The following TMEM255A variants were observed in gnomAD, a reference collection of about 807,000 sequenced individuals.
The protein encoded by TMEM255A is transmembrane protein 255A.
TMEM255A carries 14 observed loss-of-function variants against 23.5 expected under a neutral mutation model. The ratio of observed to expected loss-of-function variants is 0.60; its 90% CI spans 0.39 to 0.93. TMEM255A has a LOEUF of 0.93. Ranked by LOEUF, TMEM255A falls within the 40% of genes least tolerant of loss-of-function variation. TMEM255A has a pLI of 0.00. For synonymous variants in TMEM255A, 104 were observed against 100.3 expected, an observed-to-expected ratio of 1.04 and a Z score of -0.22; for missense variants, 233 against 261.7, an observed-to-expected ratio of 0.89 and a Z score of 0.76.
chrX:120,288,669 G>A (rs1238951744), intron 4 of TMEM255A, among the ~76,000 whole-genome samples: 5 of 112,222 alleles, frequency 4.5e-5, no homozygotes, highest in African/African-American at 1.3e-4. Flanking sequence ...AGGTCACTCA[G>A]CCAGGGCTTG....
chrX:120,305,429 CA>C (rs111534543), intron 1 of TMEM255A, among the ~76,000 whole-genome samples: 95 of 89,277 alleles, frequency 1.1e-3, no homozygotes, highest in Admixed American at 1.8e-3. Flanking sequence ...TAGGAGTTCT[CA>C]AAAAAAAAAA....
At chrX:120,272,037 A>G (rs1418271881) in intron 7 of TMEM255A, among the ~76,000 whole-genome samples, 1 of 112,334 alleles carries the variant, frequency 8.9e-6, no homozygotes, top group Non-Finnish European at 1.9e-5. Flanking sequence ...AGATTTAAAA[A>G]TGGGCAGGAT....
intron 7 of TMEM255A, among the ~76,000 whole-genome samples, chrX:120,270,932 T>C (rs1274050549): frequency 9.0e-6 from 1 of 111,335 alleles, no homozygotes; most frequent in South Asian, 3.8e-4. Flanking sequence ...TTTTACACCA[T>C]GGTCTTATTT....
intron 3 of TMEM255A, among the ~76,000 whole-genome samples, chrX:120,292,584 C>A (rs1174887118): frequency 9.0e-6 from 1 of 110,602 alleles, no homozygotes; most frequent in Non-Finnish European, 1.9e-5. Context: ...CATGGTAAAA[C>A]CTCATCTCTA....
At chrX:120,254,625 G>A (rs187139100), downstream of TMEM255A, 59 of 1,209,747 alleles carry the variant, frequency 4.9e-5, no homozygotes, top group Non-Finnish European at 6.0e-5. Context: ...TGATCCAGGC[G>A]TAGGATCAAA....
chrX:120,262,962 CA>C (rs1181733678), intron 8 of TMEM255A, among the ~76,000 whole-genome samples: 3 of 111,162 alleles, frequency 2.7e-5, no homozygotes, highest in Non-Finnish European at 5.7e-5. Context: ...GGGGGTGGTA[CA>C]ACGGCCCTTG....
downstream of TMEM255A, chrX:120,253,855 T>C: frequency 8.3e-7 from 1 of 1,211,470 alleles, no homozygotes. Flanking sequence ...GACAAGAACC[T>C]TGTAATACAG....
intron 7 of TMEM255A, among the ~76,000 whole-genome samples, chrX:120,270,767 A>G (rs2057753558): frequency 9.2e-6 from 1 of 109,135 alleles, no homozygotes. Context: ...TCCTGTCCTC[A>G]CTCTCTGCAA....
chrX:120,270,569 A>G (rs1022581389), intron 7 of TMEM255A, among the ~76,000 whole-genome samples: 7 of 111,599 alleles, frequency 6.3e-5, no homozygotes, highest in African/African-American at 2.3e-4. Flanking sequence ...AAATGGAAAG[A>G]TATATTCACT....
intron 2 of TMEM255A, among the ~76,000 whole-genome samples, chrX:120,296,651 AT>A (rs1490127509): frequency 1.8e-4 from 12 of 65,798 alleles, no homozygotes; most frequent in Middle Eastern, 6.6e-3. Flanking sequence ...TTATAATATA[AT>A]ATATATTATA....
chrX:120,254,170 C>T (rs2057620200), downstream of TMEM255A: 2 of 1,211,815 alleles, frequency 1.7e-6, no homozygotes, highest in Non-Finnish European at 2.2e-6. Flanking sequence ...CTTCCTACTC[C>T]TGTGAATCAG....
At chrX:120,254,180 G>C, downstream of TMEM255A, 1 of 1,211,716 alleles carries the variant, frequency 8.3e-7, no homozygotes, top group East Asian at 3.0e-5. Context: ...CTGTGAATCA[G>C]GCAACTTTGA....
At chrX:120,254,817 G>A (rs782385890), downstream of TMEM255A, 22 of 1,210,264 alleles carry the variant, frequency 1.8e-5, no homozygotes, top group Non-Finnish European at 2.3e-5. Flanking sequence ...AAAAACGTCT[G>A]GCAGCGAGAT....
intron 1 of TMEM255A, among the ~76,000 whole-genome samples, chrX:120,305,619 C>A (rs1208264213): frequency 9.3e-6 from 1 of 107,806 alleles, no homozygotes; most frequent in Non-Finnish European, 1.9e-5. Flanking sequence ...CTCACTGCAG[C>A]CTCAGGAAGC....
chrX:120,263,369 C>T (rs782388813), intron 8 of TMEM255A, among the ~76,000 whole-genome samples: 10 of 112,293 alleles, frequency 8.9e-5, no homozygotes, highest in Non-Finnish European at 1.3e-4. Flanking sequence ...TCAGCTCCAG[C>T]TTCCTGAGCG....
intron 7 of TMEM255A, among the ~76,000 whole-genome samples, chrX:120,275,556 G>A (rs1488570150): frequency 2.7e-5 from 3 of 110,683 alleles, no homozygotes; most frequent in Non-Finnish European, 5.7e-5. Flanking sequence ...ACAGCCAAGG[G>A]CCTAGGAGCT....
chrX:120,252,455 A>G, the TMEM255A span, among the ~76,000 whole-genome samples: 28 of 111,729 alleles, frequency 2.5e-4, no homozygotes, highest in African/African-American at 8.5e-4. Context: ...CTACACAACA[A>G]TGCATTCTAC....
At chrX:120,293,047 T>C (rs1318873616) in intron 3 of TMEM255A, among the ~76,000 whole-genome samples, 1 of 112,264 alleles carries the variant, frequency 8.9e-6, no homozygotes, top group Non-Finnish European at 1.9e-5. Context: ...AGAAAAAAAC[T>C]ATTAGAACTC....
At chrX:120,274,755 G>C (rs1282159558) in intron 7 of TMEM255A, among the ~76,000 whole-genome samples, 1 of 111,926 alleles carries the variant, frequency 8.9e-6, no homozygotes, top group African/African-American at 3.2e-5. Flanking sequence ...GGAGAAAAAG[G>C]ACAATGCTTA....
Sources: allele counts gnomAD v4.1 joint callset (sites outside exome capture counted in the v4.1 genomes callset), GRCh38; gene constraint gnomAD v4.1.1; transcripts MANE v1.5; gene names NCBI Gene and HGNC (gene_info 2026-07-23, HGNC 2026-07-21).